DTNBP1: variants seen among roughly 807,000 people sequenced by gnomAD.
DTNBP1 encodes the protein dysbindin.
In DTNBP1, 35 loss-of-function variants were observed where a neutral mutation model predicts 42.8. That is an observed-to-expected ratio of 0.82 (90% CI 0.63 to 1.09). DTNBP1 has a LOEUF of 1.09. Among genes scored for constraint, DTNBP1 ranks in the 50% least tolerant of loss-of-function variants. The probability of loss-of-function intolerance (pLI) is 0.00; values close to 1 mark genes in which losing one functional copy is unlikely to be tolerated. For missense variants in DTNBP1, 457 were observed against 424.2 expected (o/e 1.08, Z -0.68); for synonymous variants, 171 against 162.2 (o/e 1.05, Z -0.41).
At chr6:15,599,661 T>A (rs1365103059) in intron 6 of DTNBP1, among the ~76,000 whole-genome samples, 2 of 152,178 alleles carry the variant, frequency 1.3e-5, no homozygotes, top group African/African-American at 4.8e-5. Flanking sequence ...CGTTGATGTA[T>A]GCATGAGGTA....
At chr6:15,649,800 C>G (rs992543051) in intron 3 of DTNBP1, among the ~76,000 whole-genome samples, 1 of 152,130 alleles carries the variant, frequency 6.6e-6, no homozygotes, top group African/African-American at 2.4e-5. Flanking sequence ...TGTAAATTTT[C>G]TATATTAACT....
intron 6 of DTNBP1, among the ~76,000 whole-genome samples, chr6:15,607,955 T>C (rs1309292471): frequency 6.6e-6 from 1 of 152,226 alleles, no homozygotes; most frequent in African/African-American, 2.4e-5. Flanking sequence ...TCAGTTATTT[T>C]TCCTGGCATT....
At chr6:15,623,086 A>C (rs1362141909) in intron 5 of DTNBP1, among the ~76,000 whole-genome samples, 3 of 152,234 alleles carry the variant, frequency 2.0e-5, no homozygotes, top group Non-Finnish European at 2.9e-5. Flanking sequence ...AACTTTAAGA[A>C]GTACATTAAC....
At chr6:15,559,822 G>A (rs142095481) in intron 7 of DTNBP1, among the ~76,000 whole-genome samples, 65 of 152,184 alleles carry the variant, frequency 4.3e-4, no homozygotes, top group African/African-American at 1.4e-3. Flanking sequence ...TTGACCTCTC[G>A]CCAACTGACT....
In DTNBP1 at chr6:15,615,387, G is replaced by A. The variant is rs186317880; in HGVS notation, c.368C>T (p.Ala123Val). The A allele has an allele frequency of 3.3e-5, 54 of 1,613,806 alleles. No individual in the cohort carries two copies. Among genetic ancestry groups the A allele is most frequent in the South Asian group, 6.6e-5 (6 of 91,070 alleles). Residue 123 changes from alanine to valine, a missense_variant, in exon 6 of 10, where the codon GCG (alanine) becomes GTG (valine). By Grantham distance (64) the Ala-to-Val change is moderately conservative (BLOSUM62 0). Coordinates refer to ENST00000344537, the MANE Select transcript of DTNBP1 (RefSeq NM_032122.5). Reference protein sequence around the residue: ...SMTANLTHLEASFEEVENNLL... With the variant: ...SMTANLTHLEVSFEEVENNLL... ...GTTGTTCTCTACCTCCTCAAAACTC[G>A]CCTCTAAATGAGCTGAAAGTATATA...
intron 6 of DTNBP1, among the ~76,000 whole-genome samples, chr6:15,608,242 A>G (rs191140592): frequency 6.6e-6 from 1 of 151,512 alleles, no homozygotes; most frequent in Non-Finnish European, 1.5e-5. Context: ...CTCAGTGTTA[A>G]TATCTACCTT....
chr6:15,536,483 G>A (rs1278654085), intron 7 of DTNBP1, among the ~76,000 whole-genome samples: 1 of 152,256 alleles, frequency 6.6e-6, no homozygotes, highest in African/African-American at 2.4e-5. Flanking sequence ...TTGCTTCAGA[G>A]GGTGCAAGCC....
In DTNBP1 at chr6:15,533,307, C is replaced by T; in HGVS notation, c.600G>A (p.Glu200=). The part of the protein sequence containing the change: ...MKLKERQKFF[E]EAFQQDMEQY... Reference sequence around the variant, plus strand: ...GCTCCATGTCCTGCTGGAAGGCTTCCTCAAAAAACTTCTGCCGCTCCTTCA... The same window carrying T: ...GCTCCATGTCCTGCTGGAAGGCTTCTTCAAAAAACTTCTGCCGCTCCTTCA... Residue 200 remains glutamate (E), a synonymous_variant, in exon 8 of 10, where the codon GAG becomes GAA. Transcript: ENST00000344537. The T allele has an allele frequency of 6.2e-7, 1 of 1,614,200 alleles. No individual in the cohort carries two copies.
At chr6:15,596,422 TAC>T (rs2113639684) in intron 6 of DTNBP1, among the ~76,000 whole-genome samples, 1 of 152,250 alleles carries the variant, frequency 6.6e-6, no homozygotes, top group South Asian at 2.1e-4. Flanking sequence ...GACCCCCCAT[TAC>T]ACAATCAACA....
Position 15,523,044 on chromosome 6 carries a change from G to A in DTNBP1, c.987C>T (p.Asp329=). The change falls in exon 10 of 10, where the codon GAC becomes GAT. Residue 329 remains aspartate (D), a synonymous_variant. Coordinates refer to ENST00000344537, the MANE Select transcript of DTNBP1 (RefSeq NM_032122.5). ...CAGTGTGTGATGTGGCCAGGGCAGT[G>A]TCCACCTGAACTTCCTCCTCATCGG... is the stretch of plus-strand genomic sequence containing the variant. ...VQSDEEEVQV[D]TALATSHTDR... is the part of the protein sequence containing the mutation. 1.2e-6 allele frequency: 2 copies of A among 1,614,204 alleles called. No individual in the cohort carries two copies. The highest frequency in any genetic ancestry group is 1.7e-6 in the Non-Finnish European group (2 of 1,180,046).
chr6:15,581,455 G>A (rs535051351), intron 7 of DTNBP1, among the ~76,000 whole-genome samples: 5 of 150,460 alleles, frequency 3.3e-5, no homozygotes, highest in Admixed American at 1.3e-4. Flanking sequence ...TGGGATTACA[G>A]GCATGAGCCA....
chr6:15,582,169 G>A (rs1479097029), intron 7 of DTNBP1, among the ~76,000 whole-genome samples: 1 of 152,132 alleles, frequency 6.6e-6, no homozygotes, highest in African/African-American at 2.4e-5. Context: ...GGATATAAAT[G>A]CAATACCTAA....
intron 9 of DTNBP1, chr6:15,523,473 A>G: frequency 1.5e-6 from 2 of 1,296,538 alleles, no homozygotes; most frequent in African/African-American, 3.0e-5. Context: ...AAGTGCTCCT[A>G]AGGCTGTAAT....
At chr6:15,634,324 A>C (rs1759874600) in intron 4 of DTNBP1, among the ~76,000 whole-genome samples, 1 of 151,832 alleles carries the variant, frequency 6.6e-6, no homozygotes, top group African/African-American at 2.4e-5. Flanking sequence ...TTTTTCTACT[A>C]GTTTAGAAGA....
intron 8 of DTNBP1, among the ~76,000 whole-genome samples, chr6:15,525,053 G>A (rs1268607993): frequency 6.6e-6 from 1 of 152,184 alleles, no homozygotes; most frequent in East Asian, 1.9e-4. Context: ...CCTGCCTACA[G>A]GTGCCCTGAA....
chr6:15,549,133 C>G (rs896223676), intron 7 of DTNBP1, among the ~76,000 whole-genome samples: 1 of 152,118 alleles, frequency 6.6e-6, no homozygotes, highest in African/African-American at 2.4e-5. Context: ...CTCCAAAGAT[C>G]TGAGGGTCTC....
At chr6:15,567,091 G>T (rs1775126767) in intron 7 of DTNBP1, among the ~76,000 whole-genome samples, 1 of 152,146 alleles carries the variant, frequency 6.6e-6, no homozygotes, top group African/African-American at 2.4e-5. Flanking sequence ...AGGTCTAAAT[G>T]GAAACATTTG....
At position 15,522,896 on chromosome 6, in the gene DTNBP1, C is replaced by T; in HGVS notation, c.*79G>A. 1.9e-6 allele frequency: 3 copies of T among 1,612,702 alleles called. No homozygotes were observed. In the South Asian group the frequency reaches 3.3e-5, roughly 18 times the overall value. On this transcript the variant is annotated 3_prime_UTR_variant, in exon 10 of 10. Coordinates refer to ENST00000344537, the MANE Select transcript of DTNBP1 (RefSeq NM_032122.5). ...GTAAAAATCAAGAACCTCTATAAAA[C>T]AACCTGGCTTTCCAGGTGGAATTCC...
chr6:15,596,715 C>G (rs1395899703), intron 6 of DTNBP1, among the ~76,000 whole-genome samples: 5 of 152,228 alleles, frequency 3.3e-5, no homozygotes, highest in Non-Finnish European at 7.3e-5. Context: ...TACTAACTTC[C>G]TGATTACATT....
Sources: gnomAD v4.1 joint callset for allele counts (sites outside exome capture counted in the v4.1 genomes callset) on GRCh38, gnomAD v4.1.1 for gene constraint, MANE v1.5 for transcripts, NCBI Gene and HGNC (gene_info 2026-07-23, HGNC 2026-07-21) for gene names.